The following CA10 variants were observed in gnomAD, a reference collection of about 807,000 sequenced individuals.
CA10 encodes carbonic anhydrase 10 (inactive).
CA10 carries 14 observed loss-of-function variants against 44.2 expected under a neutral mutation model. The ratio of observed to expected loss-of-function variants is 0.32; its 90% confidence interval spans 0.21 to 0.50. The LOEUF (loss-of-function observed/expected upper bound fraction) is 0.50, where lower values mean the gene tolerates loss of function less well. CA10 is among the 20% of genes least tolerant of loss of function. CA10 has a pLI of 0.99. For synonymous variants in CA10, 159 were observed against 141.6 expected, an observed-to-expected ratio of 1.12 and a Z score of -0.87; for missense variants, 350 against 409.7, an observed-to-expected ratio of 0.85 and a Z score of 1.26.
chr17:52,042,808 G>A (rs938710600), intron 2 of CA10, among the ~76,000 whole-genome samples: 1 of 151,932 alleles, frequency 6.6e-6, no homozygotes, highest in East Asian at 2.0e-4. Flanking sequence ...CCATTATTTT[G>A]CATGTGAATA....
At chr17:51,904,290 G>A (rs952367449) in intron 3 of CA10, among the ~76,000 whole-genome samples, 6 of 152,052 alleles carry the variant, frequency 3.9e-5, no homozygotes, top group African/African-American at 1.2e-4. Context: ...CAATGTGGAG[G>A]AATGAGGCTG....
At chr17:52,036,942 A>T (rs961332268) in intron 2 of CA10, among the ~76,000 whole-genome samples, 2 of 152,170 alleles carry the variant, frequency 1.3e-5, no homozygotes, top group African/African-American at 4.8e-5. Flanking sequence ...AGGCCAGAAA[A>T]TGAAGGACTC....
intron 3 of CA10, among the ~76,000 whole-genome samples, chr17:51,895,845 C>T (rs1483460701): frequency 2.0e-5 from 3 of 151,740 alleles, no homozygotes; most frequent in Admixed American, 6.6e-5. Context: ...TAAGGATGTT[C>T]ACTAGCAGAA....
intron 2 of CA10, among the ~76,000 whole-genome samples, chr17:52,009,818 C>T (rs1258276273): frequency 6.6e-6 from 1 of 151,976 alleles, no homozygotes; most frequent in Non-Finnish European, 1.5e-5. Context: ...TAATAGACAA[C>T]CCACAGAGTG....
chr17:51,896,647 T>C (rs1244606972), intron 3 of CA10, among the ~76,000 whole-genome samples: 2 of 152,120 alleles, frequency 1.3e-5, no homozygotes, highest in African/African-American at 2.4e-5. Flanking sequence ...TTAAGTTCTC[T>C]GAGAAACTGT....
intron 3 of CA10, among the ~76,000 whole-genome samples, chr17:51,883,110 C>T (rs1278955231): frequency 6.6e-6 from 1 of 152,194 alleles, no homozygotes; most frequent in Non-Finnish European, 1.5e-5. Flanking sequence ...TAACTACTGT[C>T]AGTCACATTT....
intron 3 of CA10, among the ~76,000 whole-genome samples, chr17:51,783,781 G>A (rs568544108): frequency 6.6e-6 from 1 of 152,306 alleles, no homozygotes; most frequent in Non-Finnish European, 1.5e-5. Flanking sequence ...GGTGGGCTCT[G>A]TTAGGTGCTG....
intron 3 of CA10, among the ~76,000 whole-genome samples, chr17:51,926,223 G>T (rs1262825327): frequency 6.6e-6 from 1 of 152,154 alleles, no homozygotes; most frequent in Non-Finnish European, 1.5e-5. Flanking sequence ...GCATTGGACT[G>T]GAAGTGTCAG....
intron 3 of CA10, among the ~76,000 whole-genome samples, chr17:51,917,225 T>C (rs896211954): frequency 4.8e-5 from 6 of 125,748 alleles, no homozygotes; most frequent in Admixed American, 4.7e-4. Flanking sequence ...TGGCACCCAA[T>C]GTGGAGGTGG....
At chr17:51,945,319 C>T (rs1017143771) in intron 2 of CA10, among the ~76,000 whole-genome samples, 1 of 152,060 alleles carries the variant, frequency 6.6e-6, no homozygotes, top group Non-Finnish European at 1.5e-5. Flanking sequence ...ATTAGCTTTC[C>T]GGGAGACTGG....
chr17:52,078,860 C>G (rs1987887723), intron 1 of CA10, among the ~76,000 whole-genome samples: 1 of 152,188 alleles, frequency 6.6e-6, no homozygotes, highest in African/African-American at 2.4e-5. Flanking sequence ...TATTTTTCTT[C>G]TGTGCACTCT....
intron 3 of CA10, among the ~76,000 whole-genome samples, chr17:51,759,000 C>T (rs1436456420): frequency 6.6e-6 from 1 of 152,140 alleles, no homozygotes; most frequent in Admixed American, 6.5e-5. Context: ...ACAAGCAGGC[C>T]TAATCCGTAT....
chr17:51,745,704 A>G (rs1444035507), intron 4 of CA10, among the ~76,000 whole-genome samples: 1 of 152,272 alleles, frequency 6.6e-6, no homozygotes, highest in Non-Finnish European at 1.5e-5. Context: ...TCACTAAAGA[A>G]TAATACAATG....
intron 3 of CA10, among the ~76,000 whole-genome samples, chr17:51,922,861 C>T (rs1046821768): frequency 6.6e-6 from 1 of 152,046 alleles, no homozygotes; most frequent in South Asian, 2.1e-4. Flanking sequence ...AGATAACACA[C>T]CTACTTTTTC....
intron 1 of CA10, among the ~76,000 whole-genome samples, chr17:52,073,917 C>T (rs1987750542): frequency 6.6e-6 from 1 of 152,162 alleles, no homozygotes; most frequent in African/African-American, 2.4e-5. Context: ...TTGAAGTCAG[C>T]CAGGAGGTCT....
chr17:51,655,800 A>G (rs1292092761), intron 4 of CA10, among the ~76,000 whole-genome samples: 1 of 152,250 alleles, frequency 6.6e-6, no homozygotes, highest in Non-Finnish European at 1.5e-5. Context: ...TCTCATGAAG[A>G]GAGCACATGT....
intron 2 of CA10, among the ~76,000 whole-genome samples, chr17:51,968,843 G>A (rs1984174255): frequency 6.6e-6 from 1 of 151,940 alleles, no homozygotes; most frequent in Non-Finnish European, 1.5e-5. Flanking sequence ...AGGAAAAAAT[G>A]ATTTACTCAG....
chr17:52,126,252 A>C, intron 1 of CA10, among the ~76,000 whole-genome samples: 1 of 152,250 alleles, frequency 6.6e-6, no homozygotes, highest in Non-Finnish European at 1.5e-5. Context: ...ATAACTAGCA[A>C]GGGTGGCTAT....
chr17:51,673,185 C>G (rs1914489385), intron 4 of CA10, among the ~76,000 whole-genome samples: 1 of 152,196 alleles, frequency 6.6e-6, no homozygotes, highest in Admixed American at 6.5e-5. Flanking sequence ...CCAGCCAGCC[C>G]TGGATCCTCT....
Sources: allele counts gnomAD v4.1 joint callset (sites outside exome capture counted in the v4.1 genomes callset), GRCh38; gene constraint gnomAD v4.1.1; transcripts MANE v1.5; gene names NCBI Gene and HGNC (gene_info 2026-07-23, HGNC 2026-07-21).